CYP7B1: variants seen among roughly 807,000 people sequenced by gnomAD.
CYP7B1 encodes cytochrome P450 family 7 subfamily B member 1, also known as cytochrome P450 7B1.
A neutral mutation model predicts 42.7 loss-of-function variants in CYP7B1; 29 were observed. That is an observed-to-expected ratio of 0.68 (90% CI 0.51 to 0.93). The LOEUF is 0.93. Ranked by LOEUF, CYP7B1 falls within the 40% of genes least tolerant of loss-of-function variation. The probability of loss-of-function intolerance (pLI) is 0.00; values close to 1 mark genes in which losing one functional copy is unlikely to be tolerated. For synonymous variants in CYP7B1, 235 were observed against 218.2 expected (o/e 1.08, Z -0.68); for missense variants, 655 against 600.5 (o/e 1.09, Z -0.95).
At chr8:64,709,786 G>A (rs1807053834) in intron 1 of CYP7B1, among the ~76,000 whole-genome samples, 1 of 152,056 alleles carries the variant, frequency 6.6e-6, no homozygotes, top group Non-Finnish European at 1.5e-5. Context: ...AACTTACAAA[G>A]TACTCTCCCA....
At chr8:64,600,015 G>A (rs1805178087) in intron 5 of CYP7B1, among the ~76,000 whole-genome samples, 1 of 152,118 alleles carries the variant, frequency 6.6e-6, no homozygotes, top group Non-Finnish European at 1.5e-5. Context: ...CATAGTAGAG[G>A]TTCCATATAT....
chr8:64,664,475 C>CAG (rs896564933), intron 1 of CYP7B1, among the ~76,000 whole-genome samples: 1 of 151,374 alleles, frequency 6.6e-6, no homozygotes, highest in Non-Finnish European at 1.5e-5. Flanking sequence ...TCCTCTTTTA[C>CAG]AGAGAGAGAG....
intron 1 of CYP7B1, among the ~76,000 whole-genome samples, chr8:64,709,250 A>G (rs1030512606): frequency 6.6e-6 from 1 of 152,194 alleles, no homozygotes; most frequent in African/African-American, 2.4e-5. Context: ...TGCAAATGCC[A>G]AGCTTCATTT....
chr8:64,725,744 T>C (rs945961453), intron 1 of CYP7B1, among the ~76,000 whole-genome samples: 1 of 152,216 alleles, frequency 6.6e-6, no homozygotes. Context: ...CTTTTGGTGA[T>C]GAAAACAGAA....
intron 1 of CYP7B1, among the ~76,000 whole-genome samples, chr8:64,732,542 T>C (rs182410354): frequency 5.6e-4 from 86 of 152,306 alleles, no homozygotes; most frequent in African/African-American, 2.0e-3. Flanking sequence ...GATGAGACCA[T>C]GGACTTGCAC....
intron 5 of CYP7B1, 77 bp from the exon 6 acceptor site, chr8:64,597,006 T>G: frequency 7.8e-7 from 1 of 1,275,806 alleles, no homozygotes; most frequent in Non-Finnish European, 1.1e-6. Context: ...TTGCTAGCTC[T>G]CTCTGCCTGT....
At chr8:64,702,124 A>AT (rs1184794535) in intron 1 of CYP7B1, among the ~76,000 whole-genome samples, 1 of 152,094 alleles carries the variant, frequency 6.6e-6, no homozygotes, top group Non-Finnish European at 1.5e-5. Flanking sequence ...TTAATGGCAC[A>AT]TATCTAACAA....
At chr8:64,778,369 C>T (rs79232324) in intron 1 of CYP7B1, among the ~76,000 whole-genome samples, 3,011 of 151,786 alleles carry the variant, frequency 0.02, 108 homozygotes, top group African/African-American at 0.067. Flanking sequence ...AGATTCTTTG[C>T]CCATGTGAAA....
At chr8:64,649,955 A>C (rs1187944869) in intron 1 of CYP7B1, among the ~76,000 whole-genome samples, 2 of 152,226 alleles carry the variant, frequency 1.3e-5, no homozygotes. Flanking sequence ...TATCCTAGAT[A>C]TTAACACATC....
intron 1 of CYP7B1, among the ~76,000 whole-genome samples, chr8:64,764,229 G>GCCCCCCCCCCCCCCCTCCCCCCC (rs59605103): frequency 1.6e-5 from 2 of 125,150 alleles, no homozygotes; most frequent in Admixed American, 8.8e-5. Context: ...CTTCCACGCT[G>GCCCCCCCCCCCCCCCTCCCCCCC]CCCCCCCCAC....
chr8:64,738,995 A>T (rs1193956738), intron 1 of CYP7B1, among the ~76,000 whole-genome samples: 2 of 152,226 alleles, frequency 1.3e-5, no homozygotes, highest in African/African-American at 4.8e-5. Flanking sequence ...CTCACAGAGA[A>T]GAGCTAAAAC....
chr8:64,624,272 C>T, intron 2 of CYP7B1, 131 bp downstream of exon 2: 1 of 847,342 alleles, frequency 1.2e-6, no homozygotes, highest in Non-Finnish European at 1.8e-6. Flanking sequence ...AGTTTTCTTT[C>T]ACATTAGCTC....
intron 1 of CYP7B1, among the ~76,000 whole-genome samples, chr8:64,697,325 C>T (rs1373569018): frequency 6.6e-6 from 1 of 152,122 alleles, no homozygotes; most frequent in Non-Finnish European, 1.5e-5. Context: ...TAATGGGTTG[C>T]CACTTCTTGG....
chr8:64,660,458 GT>G (rs1282133418), intron 1 of CYP7B1, among the ~76,000 whole-genome samples: 3 of 152,168 alleles, frequency 2.0e-5, no homozygotes, highest in Non-Finnish European at 4.4e-5. Context: ...ACAAGAGTTG[GT>G]TGAGGCTGCA....
intron 1 of CYP7B1, among the ~76,000 whole-genome samples, chr8:64,759,508 C>T (rs1208744677): frequency 6.6e-6 from 1 of 152,106 alleles, no homozygotes; most frequent in African/African-American, 2.4e-5. Context: ...AAAGAATGGT[C>T]AGCAAGAAAG....
intron 1 of CYP7B1, among the ~76,000 whole-genome samples, chr8:64,718,003 C>G (rs1807183023): frequency 6.6e-6 from 1 of 151,522 alleles, no homozygotes; most frequent in Non-Finnish European, 1.5e-5. Context: ...ATATTTATTA[C>G]TGCAAATTGC....
intron 1 of CYP7B1, among the ~76,000 whole-genome samples, chr8:64,655,273 T>C (rs939590651): frequency 1.3e-5 from 2 of 152,112 alleles, no homozygotes; most frequent in African/African-American, 2.4e-5. Context: ...AAACTACACC[T>C]CTGACAAAGG....
At chr8:64,609,660 T>C (rs1438390822) in intron 4 of CYP7B1, among the ~76,000 whole-genome samples, 1 of 143,472 alleles carries the variant, frequency 7.0e-6, no homozygotes, top group East Asian at 1.9e-4. Flanking sequence ...AATTATTAAT[T>C]TATGTCCCTA....
chr8:64,763,411 C>T (rs1807920093), intron 1 of CYP7B1, among the ~76,000 whole-genome samples: 2 of 152,206 alleles, frequency 1.3e-5, no homozygotes, highest in South Asian at 4.1e-4. Context: ...ATCTTGGGAG[C>T]AGCCCGCCAC....
Sources: gnomAD v4.1 joint callset for allele counts (sites outside exome capture counted in the v4.1 genomes callset) on GRCh38, gnomAD v4.1.1 for gene constraint, MANE v1.5 for transcripts, NCBI Gene and HGNC (gene_info 2026-07-23, HGNC 2026-07-21) for gene names.